The following EP400 variants were observed in gnomAD, a reference collection of about 807,000 sequenced individuals.
EP400 encodes E1A binding protein p400.
EP400 carries 105 observed loss-of-function variants against 354.1 expected under a neutral mutation model. The observed-to-expected ratio is 0.30, with a 90% CI of 0.25 to 0.35. The LOEUF (loss-of-function observed/expected upper bound fraction) is 0.35. Ranked by LOEUF, EP400 falls within the 10% of genes least tolerant of loss-of-function variation. EP400 has a pLI of 1.00. For synonymous variants in EP400, 1,646 were observed against 1,716.9 expected (o/e 0.96, Z 1.02); for missense variants, 3,280 against 4,121.0 (o/e 0.80, Z 5.59).
At position 132,027,464 on chromosome 12, in the gene EP400, A is replaced by C; in HGVS notation, c.5042A>C (p.Asn1681Thr). 6.2e-7 allele frequency: 1 copy of C among 1,614,070 alleles called. No individual in the cohort carries two copies. The highest frequency in any genetic ancestry group is 8.5e-7 in the Non-Finnish European group (1 of 1,180,020). The change falls in exon 26 of 53, where the codon AAT (asparagine) becomes ACT (threonine). Residue 1681 changes from asparagine to threonine, a missense_variant. Physicochemically the swap from Asn to Thr is moderately conservative, Grantham distance 65. Around this residue, in one of 20 missense-constraint regions of EP400, gnomAD observed 459 missense variants for 496.9 expected, o/e 0.92. Coordinates refer to ENST00000389561, the MANE Select transcript of EP400 (RefSeq NM_015409.5). This position sits in a 1 kb window ranked among gnomAD's most constrained non-coding sequence, Gnocchi z 4.9. ...QVGVPGRVAV[N>T]ALAVGEPGTA... is the part of the protein sequence containing the mutation. ...GGCGTTCCGGGCCGCGTGGCGGTGA[A>C]TGCCTTGGCTGTAGGAGAACCCGGA...
intron 12 of EP400, among the ~76,000 whole-genome samples, chr12:131,998,219 A>G (rs1408758033): frequency 6.6e-6 from 1 of 152,160 alleles, no homozygotes; most frequent in Non-Finnish European, 1.5e-5. Context: ...TGGTTAGGTA[A>G]GTTCTTCTGC....
chr12:132,031,082 T>A (rs917951684), intron 29 of EP400: 1 of 412,230 alleles, frequency 2.4e-6, no homozygotes, highest in Admixed American at 2.8e-5. Context: ...ATCTGTAGAA[T>A]GCCTGGAAGG....
chr12:132,020,142 G>A lies in EP400; in HGVS notation c.4371G>A (p.Thr1457=), dbSNP rs769863710. Reference sequence around the variant, plus strand: ...CGCCCCGGACGGCAGCCCCCACCACGGCCTCTGCTGCTCCACAGGGCCCGC... The same window carrying A: ...CGCCCCGGACGGCAGCCCCCACCACAGCCTCTGCTGCTCCACAGGGCCCGC... The part of the protein sequence containing the change: ...THPPRTAAPT[T]ASAAPQGPLR... The change falls in exon 22 of 53, where the codon ACG becomes ACA. Residue 1457 remains threonine (T), a synonymous_variant. Transcript: ENST00000389561. 9 of 1,611,430 alleles carry A rather than the reference G, an allele frequency of 5.6e-6. No homozygotes were observed. The highest frequency in any genetic ancestry group is 5.0e-5 in the Admixed American group (3 of 59,586).
chr12:132,065,994 T>C (rs918788072), intron 48 of EP400: 1 of 152,262 alleles, frequency 6.6e-6, no homozygotes, highest in Non-Finnish European at 1.5e-5. Flanking sequence ...TGTACAAGCT[T>C]GTTTGCTTCA....
chr12:132,018,188 CT>C lies in EP400; in HGVS notation c.4111-15del, dbSNP rs752609744. The stretch of plus-strand genomic sequence containing the variant: ...TTTTTTGCCTCTTCATGCAGCAAGA[CT>C]TTTTTTCTTTTTCTCTCTAGGAAGC... On this transcript the variant is annotated intron_variant, in intron 20 of 52. Coordinates refer to ENST00000389561, the MANE Select transcript of EP400 (RefSeq NM_015409.5). The surrounding 1 kb of genome is among the most constrained non-coding windows in gnomAD (Gnocchi z 4.0). 1.1e-5 allele frequency: 18 copies of C among 1,605,270 alleles called. No individual in the cohort carries two copies. The African/African-American group carries it at 1.2e-4, about 11-fold the overall frequency.
intron 39 of EP400, among the ~76,000 whole-genome samples, chr12:132,047,310 C>T (rs1895135829): frequency 6.6e-6 from 1 of 152,092 alleles, no homozygotes; most frequent in Non-Finnish European, 1.5e-5. Flanking sequence ...ATAATAATAG[C>T]CATTACCTTA....
chr12:132,006,024 C>T, intron 13 of EP400, 88 bp from the exon 14 acceptor site: 7 of 1,307,962 alleles, frequency 5.4e-6, no homozygotes, highest in Non-Finnish European at 7.3e-6. Context: ...TAGTTGGATT[C>T]TATAAACTTT....
intron 9 of EP400, 102 bp from the exon 10 acceptor site, chr12:131,991,305 C>T: frequency 3.5e-6 from 4 of 1,135,804 alleles, no homozygotes; most frequent in Non-Finnish European, 5.3e-6. Context: ...CCTTCCTTTC[C>T]CTGCACGTGG....
rs1894765412 is a variant in EP400 at position 132,037,776 on chromosome 12, A to G, written c.6046A>G (p.Met2016Val). 1.5e-5 allele frequency: 25 copies of G among 1,614,082 alleles called. No homozygotes were observed. The East Asian group carries it at 5.1e-4, about 33-fold the overall frequency. Reference protein sequence around the residue: ...EVAAQGNDYSMAFLTQRTIQE... With the variant: ...EVAAQGNDYSVAFLTQRTIQE... ...GGCTGCTCAGGGAAATGACTACTCC[A>G]TGGCTTTCTTAACTCAGGTACTCCT... Residue 2016 changes from methionine (M) to valine (V), a missense_variant, in exon 31 of 53, where the codon ATG (methionine) becomes GTG (valine). Transcript: ENST00000389561.
In EP400 at chr12:132,032,775, C is replaced by T. The variant is rs537942129; in HGVS notation, c.5951+626C>T. On this transcript the variant is annotated intron_variant, in intron 30 of 52. Transcript: ENST00000389561. ...CCTCCCGAATAGCTGGGACTACAGG[C>T]GTGCACCACCACGACCGGCTAGTTT... is the stretch of plus-strand genomic sequence containing the variant. 9.2e-5 allele frequency among the ~76,000 whole-genome samples: 14 copies of T among 151,872 alleles called. No individual in the cohort carries two copies. In the East Asian group the frequency reaches 2.5e-3, roughly 27 times the overall value.
At chr12:131,970,639 A>T (rs1452440827) in intron 2 of EP400, among the ~76,000 whole-genome samples, 1 of 152,212 alleles carries the variant, frequency 6.6e-6, no homozygotes, top group African/African-American at 2.4e-5. Context: ...CATCGTGCAC[A>T]TTGATGCGCA....
Position 131,960,728 on chromosome 12 carries a change from T to TC in EP400, c.114dup (p.Ala39ArgfsTer26). ...GCCGGCCCACCCCAACCCACCCCCG[T>TC]CCCCCGCAGCTCCCTTCGCTCCCTC... On this transcript the variant is annotated frameshift_variant, in exon 2 of 53. Transcript: ENST00000389561. LOFTEE classifies it high-confidence loss of function. The TC allele has an allele frequency of 4.3e-6, 1 of 231,478 alleles. No homozygotes were observed. Among genetic ancestry groups the TC allele is most frequent in the Non-Finnish European group, 6.3e-6 (1 of 159,652 alleles). The allele number at this position is 231,478 out of a possible 1,614,324, so 14.3% of individuals were successfully genotyped here.
chr12:131,953,049 G>T (rs182908066), intron 1 of EP400, among the ~76,000 whole-genome samples: 195 of 152,242 alleles, frequency 1.3e-3, no homozygotes, highest in Non-Finnish European at 2.3e-3. Context: ...CAGTGAGGGC[G>T]ATATCTCCAA....
intron 30 of EP400, among the ~76,000 whole-genome samples, chr12:132,034,746 T>C (rs1457895378): frequency 3.3e-5 from 5 of 152,178 alleles, no homozygotes; most frequent in Non-Finnish European, 7.4e-5. Context: ...GAGGAGGGGC[T>C]TGGAGTGCTG....
intron 2 of EP400, among the ~76,000 whole-genome samples, chr12:131,978,349 TG>T (rs1171081812): frequency 3.9e-5 from 6 of 152,196 alleles, no homozygotes; most frequent in Admixed American, 3.9e-4. Context: ...AGCATAGTAC[TG>T]TAGTTTCACC....
Position 132,045,817 on chromosome 12 carries a change from A to T in EP400, c.7117A>T (p.Asn2373Tyr). 6.2e-7 allele frequency: 1 copy of T among 1,614,196 alleles called. No individual in the cohort carries two copies. Among genetic ancestry groups the T allele is most frequent in the South Asian group, 1.1e-5 (1 of 91,088 alleles). ...TTGGGATCTTGTCAGTGACGTTGTT[A>T]ACTCCTGTAGCCGAATCTACCGCTC... Reference protein sequence around the residue: ...PNWDLVSDVVNSCSRIYRSSK... With the variant: ...PNWDLVSDVVYSCSRIYRSSK... Residue 2373 changes from asparagine (N) to tyrosine (Y), a missense_variant, in exon 39 of 53, where the codon AAC (asparagine) becomes TAC (tyrosine). Physicochemically the swap from Asn to Tyr is moderately radical, Grantham distance 143 (BLOSUM62 -2). Coordinates refer to ENST00000389561, the MANE Select transcript of EP400 (RefSeq NM_015409.5).
intron 19 of EP400, among the ~76,000 whole-genome samples, chr12:132,016,493 C>T (rs761599702): frequency 2.2e-4 from 33 of 152,150 alleles, no homozygotes; most frequent in Non-Finnish European, 3.8e-4. Flanking sequence ...CTCAGCCTCT[C>T]GAGTTGCTGG....
Position 132,050,952 on chromosome 12 carries a change from G to A in EP400, c.7394+297G>A. On this transcript the variant is annotated intron_variant, in intron 41 of 52. Transcript: ENST00000389561. The surrounding 1 kb of genome is among the most constrained non-coding windows in gnomAD (Gnocchi z 4.8). ...AGGGCCATGTGGCCAACCACAAGGG[G>A]CTTTCTTCCTCACACCCCACCTCTC... The A allele has an allele frequency of 1.9e-6, 1 of 514,576 alleles. No homozygotes were observed. Among genetic ancestry groups the A allele is most frequent in the Non-Finnish European group, 3.5e-6 (1 of 285,402 alleles). The allele number at this position is 514,576 out of a possible 1,614,324, so 31.9% of individuals were successfully genotyped here.
chr12:132,050,345 G>T lies in EP400; in HGVS notation c.7223G>T (p.Arg2408Leu), dbSNP rs142754867. Reference protein sequence around the residue: ...EGKSKNNRPLRTSQIYAQDEN... With the variant: ...EGKSKNNRPLLTSQIYAQDEN... ...CAGAGTAAAAACAACCGTCCTCTCCGTACGAGCCAGATCTATGCCCAGGAT... is the reference window on the plus strand; with the variant it reads ...CAGAGTAAAAACAACCGTCCTCTCCTTACGAGCCAGATCTATGCCCAGGAT... The change falls in exon 40 of 53, where the codon CGT becomes CTT. Residue 2408 changes from arginine (R) to leucine (L), a missense_variant. By Grantham distance (102) the Arg-to-Leu change is moderately radical (BLOSUM62 -2). Around this residue, in one of 20 missense-constraint regions of EP400, gnomAD observed 84 missense variants for 133.0 expected, o/e 0.63. Coordinates refer to ENST00000389561, the MANE Select transcript of EP400 (RefSeq NM_015409.5). The surrounding 1 kb of genome is among the most constrained non-coding windows in gnomAD (Gnocchi z 4.8). 1.2e-6 allele frequency: 2 copies of T among 1,614,012 alleles called. No homozygotes were observed. The highest frequency in any genetic ancestry group is 8.5e-7 in the Non-Finnish European group (1 of 1,180,010).
Sources: allele counts gnomAD v4.1 joint callset (sites outside exome capture counted in the v4.1 genomes callset), GRCh38; gene constraint gnomAD v4.1.1; regional missense constraint gnomAD v4.1.1; non-coding constraint Gnocchi (gnomAD v3.1); transcripts MANE v1.5; gene names NCBI Gene and HGNC (gene_info 2026-07-23, HGNC 2026-07-21).